Variants in HORMAD2 observed in about 807,000 individuals in gnomAD.
The protein encoded by HORMAD2 is HORMA domain-containing protein 2.
HORMAD2 carries 45 observed loss-of-function variants against 38.8 expected under a neutral mutation model. That is an observed-to-expected ratio of 1.16 (90% CI 0.91 to 1.49). HORMAD2 has a LOEUF of 1.49. Among genes scored for constraint, HORMAD2 ranks in the 40% most tolerant of loss-of-function variants. The pLI is 0.00. For synonymous variants in HORMAD2, 126 were observed against 122.8 expected (o/e 1.03, Z -0.17); for missense variants, 338 against 367.0 (o/e 0.92, Z 0.65).
chr22:30,203,674 A>G, the HORMAD2 span, among the ~76,000 whole-genome samples: 1 of 152,166 alleles, frequency 6.6e-6, no homozygotes, highest in Non-Finnish European at 1.5e-5. Context: ...ACACACTCCT[A>G]TATGTGAGTA....
the HORMAD2 span, among the ~76,000 whole-genome samples, chr22:30,183,136 G>A: frequency 3.3e-5 from 5 of 152,194 alleles, no homozygotes; most frequent in African/African-American, 4.8e-5. Flanking sequence ...GCATGGGTAC[G>A]CCAAGGAGGA....
At chr22:30,178,286 T>C (rs1926566028), downstream of HORMAD2, among the ~76,000 whole-genome samples, 1 of 152,244 alleles carries the variant, frequency 6.6e-6, no homozygotes, top group Admixed American at 6.5e-5. Flanking sequence ...AGAAAATTTC[T>C]ATAGTGATTT....
the HORMAD2 span, chr22:30,207,150 C>G: frequency 4.3e-6 from 2 of 463,836 alleles, no homozygotes. Flanking sequence ...TCACTGTGCT[C>G]CCGCCCGCCC....
At chr22:30,199,777 A>C in the HORMAD2 span, among the ~76,000 whole-genome samples, 2 of 145,706 alleles carry the variant, frequency 1.4e-5, no homozygotes, top group African/African-American at 2.5e-5. Context: ...AATTCCCATC[A>C]CCATTGTTTT....
chr22:30,111,179 A>G (rs924398568), intron 5 of HORMAD2, among the ~76,000 whole-genome samples: 6 of 150,668 alleles, frequency 4.0e-5, no homozygotes, highest in African/African-American at 1.5e-4. Flanking sequence ...AGAAAGAAAG[A>G]AAGAAAGAAA....
In HORMAD2 at chr22:30,100,700, A is replaced by T. The variant is rs190105772; in HGVS notation, c.193+1707A>T. On this transcript the variant is annotated intron_variant, in intron 3 of 10. Transcript: ENST00000336726. Reference sequence around the variant, plus strand: ...CAATCTATCCATCTGACAAAGGTTTAATATCCAGAATCTACAAGGAACTTA... The same window carrying T: ...CAATCTATCCATCTGACAAAGGTTTTATATCCAGAATCTACAAGGAACTTA... 1.1e-3 allele frequency among the ~76,000 whole-genome samples: 169 copies of T among 152,364 alleles called. 3 individuals are homozygous for T. In the East Asian group the frequency reaches 0.027, roughly 24 times the overall value.
chr22:30,149,823 C>T, intron 10 of HORMAD2, among the ~76,000 whole-genome samples: 1 of 152,156 alleles, frequency 6.6e-6, no homozygotes, highest in East Asian at 1.9e-4. Context: ...TTAAGAATCT[C>T]ACTGGAAATT....
intron 10 of HORMAD2, among the ~76,000 whole-genome samples, chr22:30,148,892 C>A (rs1174637382): frequency 6.6e-6 from 1 of 152,068 alleles, no homozygotes; most frequent in East Asian, 1.9e-4. Flanking sequence ...GTAGTCCCAA[C>A]TACTTGGGAG....
chr22:30,093,622 A>G (rs1430725461), intron 1 of HORMAD2, among the ~76,000 whole-genome samples: 2 of 152,176 alleles, frequency 1.3e-5, no homozygotes, highest in Admixed American at 6.5e-5. Flanking sequence ...TTTTAATTAT[A>G]TAGTTCTCCT....
At chr22:30,135,738 T>C (rs1923607928) in intron 10 of HORMAD2, among the ~76,000 whole-genome samples, 1 of 152,190 alleles carries the variant, frequency 6.6e-6, no homozygotes, top group East Asian at 1.9e-4. Flanking sequence ...ATGTTAGCAG[T>C]AGAGCTAAAC....
intron 2 of HORMAD2, among the ~76,000 whole-genome samples, chr22:30,096,827 A>G (rs1005989346): frequency 4.6e-5 from 7 of 151,958 alleles, no homozygotes; most frequent in African/African-American, 7.3e-5. Context: ...TCATTTGTTT[A>G]TTGGTCATTT....
At chr22:30,170,738 TTCTAAGGAGCCTTC>T (rs760002957) in intron 10 of HORMAD2, among the ~76,000 whole-genome samples, 16 of 152,194 alleles carry the variant, frequency 1.1e-4, no homozygotes, top group Non-Finnish European at 1.6e-4. Flanking sequence ...AATGTCTCTC[TTCTAAGGAGCCTTC>T]TCTAAATTCC....
At chr22:30,089,445 C>T (rs1487532585) in intron 1 of HORMAD2, among the ~76,000 whole-genome samples, 1 of 151,754 alleles carries the variant, frequency 6.6e-6, no homozygotes, top group African/African-American at 2.4e-5. Flanking sequence ...CTCCACCTCC[C>T]GGGTTCACGC....
At chr22:30,080,729 C>G (rs1329261945) in intron 1 of HORMAD2, among the ~76,000 whole-genome samples, 3 of 152,054 alleles carry the variant, frequency 2.0e-5, no homozygotes, top group Non-Finnish European at 4.4e-5. Flanking sequence ...ACAGAGAGCA[C>G]CCAGGTAGTT....
intron 3 of HORMAD2, among the ~76,000 whole-genome samples, chr22:30,099,842 G>A (rs534732871): frequency 4.6e-5 from 7 of 152,270 alleles, no homozygotes; most frequent in South Asian, 2.1e-4. Flanking sequence ...AGCCAAGATC[G>A]TGCCATTGCA....
Position 30,118,995 on chromosome 22 carries a change from T to C in HORMAD2, c.358T>C (p.Tyr120His). 6.3e-7 allele frequency: 1 copy of C among 1,587,696 alleles called. No homozygotes were observed. Among genetic ancestry groups the C allele is most frequent in the Non-Finnish European group, 8.6e-7 (1 of 1,165,706 alleles). ...PMGSEKVTEM[Y>H]QFKFKYTKEG... ...GTTTTTGTAGAAGGTGACTGAGATG[T>C]ACCAGTTCAAATTCAAATACACGAA... is the stretch of plus-strand genomic sequence containing the variant. The change falls in exon 8 of 11, where the codon TAC (tyrosine) becomes CAC (histidine). Residue 120 changes from tyrosine (Y) to histidine (H), a missense_variant. Coordinates refer to ENST00000336726, the MANE Select transcript of HORMAD2 (RefSeq NM_152510.4).
rs763337864 is a variant in HORMAD2 at position 30,103,528 on chromosome 22, GAAC to G, written c.257+33_257+35del. On this transcript the variant is annotated intron_variant, in intron 4 of 10. Coordinates refer to ENST00000336726, the MANE Select transcript of HORMAD2 (RefSeq NM_152510.4). ...AAGTAATAGAAATTCTATAAAAGTT[GAAC>G]AACATTATTTTTATCATGGCTGAAA... 1.7e-5 allele frequency: 20 copies of G among 1,186,346 alleles called. No individual in the cohort carries two copies. The African/African-American group carries it at 2.9e-4, about 17-fold the overall frequency. 73.5% of individuals were successfully genotyped at this position (1,186,346 alleles called of 1,614,324 possible). A position where few individuals can be genotyped will look rare whatever the true frequency, so the allele number is the denominator to read the frequency against.
chr22:30,132,500 A>G (rs1288673451), intron 10 of HORMAD2, among the ~76,000 whole-genome samples: 1 of 151,642 alleles, frequency 6.6e-6, no homozygotes, highest in Admixed American at 6.6e-5. Context: ...CACTCAGGCT[A>G]CTGCACTCCA....
chr22:30,099,384 A>G (rs765871388), intron 3 of HORMAD2, among the ~76,000 whole-genome samples: 5 of 152,246 alleles, frequency 3.3e-5, no homozygotes, highest in Non-Finnish European at 5.9e-5. Flanking sequence ...CTCCCTGTTA[A>G]CGTATATAAA....
Sources: gnomAD v4.1 joint callset for allele counts (sites outside exome capture counted in the v4.1 genomes callset) on GRCh38, gnomAD v4.1.1 for gene constraint, MANE v1.5 for transcripts, NCBI Gene and HGNC (gene_info 2026-07-23, HGNC 2026-07-21) for gene names.